DGCR8: variants seen among roughly 807,000 people sequenced by gnomAD.
DGCR8 encodes DGCR8 microprocessor complex subunit.
Under a neutral mutation model 78.5 loss-of-function variants are expected in DGCR8, and 14 were observed. That is an observed-to-expected ratio of 0.18 (90% CI 0.12 to 0.28). The LOEUF is 0.28. DGCR8 is among the 10% of genes least tolerant of loss of function. The probability of loss-of-function intolerance (pLI) is 1.00; values close to 1 mark genes in which losing one functional copy is unlikely to be tolerated. For missense variants in DGCR8, 702 were observed against 1,022.5 expected (o/e 0.69, Z 4.28); for synonymous variants, 399 against 402.4 (o/e 0.99, Z 0.10).
At chr22:20,109,918 C>T in intron 13 of DGCR8, 107 bp from the exon 14 acceptor site, 1 of 1,117,392 alleles carries the variant, frequency 8.9e-7, no homozygotes, top group Non-Finnish European at 1.3e-6. Flanking sequence ...CGTTGGGGCT[C>T]CAGGGCCTCC....
chr22:20,108,811 A>T, intron 12 of DGCR8, 79 bp from the exon 13 acceptor site: 3 of 356,606 alleles, frequency 8.4e-6, no homozygotes, highest in Non-Finnish European at 1.4e-5. Context: ...TCAGGGTCCC[A>T]GGCACACAGC....
At chr22:20,106,375 G>A in intron 10 of DGCR8, 98 bp downstream of exon 10, 1 of 1,121,624 alleles carries the variant, frequency 8.9e-7, no homozygotes, top group Non-Finnish European at 1.3e-6. Flanking sequence ...GCAGAGGCAT[G>A]GCCAGGTTTC....
intron 8 of DGCR8, 59 bp from the exon 9 acceptor site, chr22:20,094,654 C>A: frequency 2.0e-6 from 3 of 1,486,454 alleles, no homozygotes; most frequent in South Asian, 1.1e-5. Context: ...GTTCACTCTG[C>A]AGGGTGGTGA....
At chr22:20,109,726 G>A (rs1297394402) in intron 13 of DGCR8, among the ~76,000 whole-genome samples, 1 of 152,214 alleles carries the variant, frequency 6.6e-6, no homozygotes, top group East Asian at 1.9e-4. Context: ...CACCCAATGG[G>A]GAGGCCTGGC....
At chr22:20,101,337 G>A in intron 9 of DGCR8, 1 of 956,392 alleles carries the variant, frequency 1.0e-6, no homozygotes, top group Non-Finnish European at 1.2e-6. Flanking sequence ...AGCACTTTGG[G>A]AGGCCGAGGC....
chr22:20,086,021 A>G lies in DGCR8; in HGVS notation c.58A>G (p.Met20Val). 1 of 1,613,266 alleles carries G rather than the reference A, an allele frequency of 6.2e-7. No individual in the cohort carries two copies. The change falls in exon 2 of 14, where the codon ATG becomes GTG. Residue 20 changes from methionine (M) to valine (V), a missense_variant. Around this residue, in one of 4 missense-constraint regions of DGCR8, gnomAD observed 356 missense variants for 448.9 expected, o/e 0.79. Coordinates refer to ENST00000351989, the MANE Select transcript of DGCR8 (RefSeq NM_022720.7). The surrounding 1 kb of genome is among the most constrained non-coding windows in gnomAD (Gnocchi z 6.4). ...LPCGPAGEAV[M>V]ESRARPFQAL... ...GTGTGGGCCCGCAGGAGAAGCGGTG[A>G]TGGAGAGCCGAGCTCGCCCCTTCCA... is the stretch of plus-strand genomic sequence containing the variant.
At chr22:20,096,541 T>C (rs2147929116) in intron 9 of DGCR8, 1 of 949,368 alleles carries the variant, frequency 1.1e-6, no homozygotes, top group South Asian at 4.9e-5. Flanking sequence ...ATAGTTTACA[T>C]ACTATAAATT....
chr22:20,105,674 G>A (rs989704414), intron 9 of DGCR8, among the ~76,000 whole-genome samples: 5 of 152,228 alleles, frequency 3.3e-5, no homozygotes, highest in African/African-American at 1.2e-4. Context: ...GCTGGGCTGG[G>A]CCTCTGCTGG....
chr22:20,080,541 G>T (rs1160921813), intron 1 of DGCR8, 158 bp downstream of exon 1: 1 of 961,208 alleles, frequency 1.0e-6, no homozygotes, highest in Non-Finnish European at 1.2e-6. Context: ...GCCGCGGGCG[G>T]TGGAGAGCGC....
chr22:20,083,809 C>A (rs1036328966), intron 1 of DGCR8, among the ~76,000 whole-genome samples: 5 of 152,134 alleles, frequency 3.3e-5, no homozygotes, highest in Admixed American at 1.3e-4. Flanking sequence ...AATGGTCTTT[C>A]TTGGTTGCCA....
rs1236662173 is a variant in DGCR8 at position 20,106,546 on chromosome 22, C to T, written c.1890-46C>T. The T allele has an allele frequency of 3.5e-6, 5 of 1,425,018 alleles. No homozygotes were observed. The East Asian group carries it at 6.8e-5, about 19-fold the overall frequency. The allele number at this position is 1,425,018 out of a possible 1,614,324, so 88.3% of individuals were successfully genotyped here. ...AGCAGGCCTCCTCAGAGGCAGCTGGCTGCTCTGCTCAGGGGACGCCATCTG... is the reference window on the plus strand; with the variant it reads ...AGCAGGCCTCCTCAGAGGCAGCTGGTTGCTCTGCTCAGGGGACGCCATCTG... On this transcript the variant is annotated intron_variant, in intron 10 of 13. Transcript: ENST00000351989.
intron 8 of DGCR8, 142 bp from the exon 9 acceptor site, chr22:20,094,571 C>T: frequency 1.4e-6 from 1 of 731,952 alleles, no homozygotes. Flanking sequence ...CTGACCCTGT[C>T]ACTGAAGTGC....
At position 20,087,380 on chromosome 22, in the gene DGCR8, C is replaced by T; in HGVS notation, c.880+59C>T. ...AGGGCAGTGGAGGGGTGGTTGCTTC[C>T]TTAGCAGAAATGCTTTGAGAGAGCT... is the stretch of plus-strand genomic sequence containing the variant. On this transcript the variant is annotated intron_variant, in intron 3 of 13. Transcript: ENST00000351989. This position sits in a 1 kb window ranked among gnomAD's most constrained non-coding sequence, Gnocchi z 4.1. 1 of 1,528,538 alleles carries T rather than the reference C, an allele frequency of 6.5e-7. No homozygotes were observed. Among genetic ancestry groups the T allele is most frequent in the East Asian group, 2.4e-5 (1 of 41,976 alleles). 94.7% of individuals were successfully genotyped at this position (1,528,538 alleles called of 1,614,324 possible). A position where few individuals can be genotyped will look rare whatever the true frequency, so the allele number is the denominator to read the frequency against.
chr22:20,104,157 C>CTT (rs1220884827), intron 9 of DGCR8, among the ~76,000 whole-genome samples: 23 of 136,014 alleles, frequency 1.7e-4, no homozygotes, highest in South Asian at 4.8e-4. Context: ...TGGTGTCGGT[C>CTT]TTTTTTTTTT....
rs757420569 is a variant in DGCR8 at position 20,089,933 on chromosome 22, CG to C, written c.1024-40del. ...GAAAGGCATCAGAGTTTCAGACTCT[CG>C]GGTTGTCCTTGTAATCCATATTGCA... On this transcript the variant is annotated intron_variant, in intron 4 of 13. Transcript: ENST00000351989. This position sits in a 1 kb window ranked among gnomAD's most constrained non-coding sequence, Gnocchi z 4.9. 8.6e-5 allele frequency: 137 copies of C among 1,589,158 alleles called. No homozygotes were observed. In the African/African-American group the frequency reaches 1.7e-3, roughly 19 times the overall value.
rs1425192154 is a variant in DGCR8 at position 20,111,804 on chromosome 22, C to G, written c.*1696C>G. On this transcript the variant is annotated 3_prime_UTR_variant, in exon 14 of 14. Coordinates refer to ENST00000351989, the MANE Select transcript of DGCR8 (RefSeq NM_022720.7). ...GCAGGGGAGCCTGTGCTGATGCCAT[C>G]CAGGGCACTGGGCTGTGCCTGGAAG... 4.7e-6 allele frequency: 1 copy of G among 214,606 alleles called. No individual in the cohort carries two copies. The highest frequency in any genetic ancestry group is 9.2e-6 in the Non-Finnish European group (1 of 108,704). 13.3% of individuals were successfully genotyped at this position (214,606 alleles called of 1,614,324 possible).
In DGCR8 at chr22:20,091,930, T is replaced by C. The variant is rs1602483847; in HGVS notation, c.1566T>C (p.Arg522=). The part of the protein sequence containing the change: ...EVCILHEYMQ[R]VLKVRPVYNF... ...GCATCCTGCACGAGTACATGCAGCG[T>C]GTCCTCAAGGTCCGCCCTGTCTATA... is the stretch of plus-strand genomic sequence containing the variant. The change falls in exon 7 of 14, where the codon CGT becomes CGC. Residue 522 remains arginine, a synonymous_variant. Transcript: ENST00000351989. 1.9e-6 allele frequency: 3 copies of C among 1,614,178 alleles called. No individual in the cohort carries two copies. In the East Asian group the frequency reaches 6.7e-5, roughly 36 times the overall value.
rs148358737 is a variant in DGCR8 at position 20,090,086 on chromosome 22, C to A, written c.1134C>A (p.Pro378=). 1 of 1,614,242 alleles carries A rather than the reference C, an allele frequency of 6.2e-7. No homozygotes were observed. Among genetic ancestry groups the A allele is most frequent in the Non-Finnish European group, 8.5e-7 (1 of 1,180,046 alleles). ...SDLTPSGDVS[P]VKPLSRSAEL... ...TCACCCCTAGTGGGGATGTGTCCCCCGTCAAGCCCCTGAGCCGATCTGCAG... is the reference window on the plus strand; with the variant it reads ...TCACCCCTAGTGGGGATGTGTCCCCAGTCAAGCCCCTGAGCCGATCTGCAG... Residue 378 remains proline, a synonymous_variant, in exon 5 of 14, where the codon CCC becomes CCA. Transcript: ENST00000351989.
chr22:20,097,815 CT>C (rs695417), intron 9 of DGCR8, among the ~76,000 whole-genome samples: 70,086 of 136,414 alleles, frequency 0.51, 18,037 homozygotes, highest in East Asian at 0.7. Flanking sequence ...TACTTTAATT[CT>C]TTTTTTTTTT....
Sources: allele counts gnomAD v4.1 joint callset (sites outside exome capture counted in the v4.1 genomes callset), GRCh38; gene constraint gnomAD v4.1.1; regional missense constraint gnomAD v4.1.1; non-coding constraint Gnocchi (gnomAD v3.1); transcripts MANE v1.5; gene names NCBI Gene and HGNC (gene_info 2026-07-23, HGNC 2026-07-21).